The following CALN1 variants were observed in gnomAD, a reference collection of about 807,000 sequenced individuals.
CALN1 encodes calneuron 1.
In CALN1, 17 loss-of-function variants were observed where a neutral mutation model predicts 30.6. The observed-to-expected ratio is 0.56, with a 90% confidence interval of 0.38 to 0.83. CALN1 has a LOEUF of 0.83. Among genes scored for constraint, CALN1 ranks in the 40% least tolerant of loss-of-function variants. The pLI is 0.00. For synonymous variants in CALN1, 156 were observed against 131.4 expected (o/e 1.19, Z -1.28); for missense variants, 291 against 354.9 (o/e 0.82, Z 1.45).
At chr7:72,101,588 T>G (rs1453297507) in intron 4 of CALN1, among the ~76,000 whole-genome samples, 2 of 151,970 alleles carry the variant, frequency 1.3e-5, no homozygotes, top group Non-Finnish European at 2.9e-5. Flanking sequence ...AACCAGAAAA[T>G]AAATGTCTAC....
At chr7:72,378,742 A>T (rs1211439181) in intron 2 of CALN1, among the ~76,000 whole-genome samples, 3 of 148,292 alleles carry the variant, frequency 2.0e-5, no homozygotes, top group Non-Finnish European at 4.5e-5. Context: ...CTTTTTCTGT[A>T]TTTTTAGTAG....
At chr7:71,902,116 G>T (rs1262334991) in intron 5 of CALN1, among the ~76,000 whole-genome samples, 1 of 152,018 alleles carries the variant, frequency 6.6e-6, no homozygotes, top group Non-Finnish European at 1.5e-5. Context: ...CAAAGGACAT[G>T]AACAGGCTGA....
chr7:72,198,853 C>T (rs529446647), intron 3 of CALN1, among the ~76,000 whole-genome samples: 38 of 152,300 alleles, frequency 2.5e-4, no homozygotes, highest in African/African-American at 7.7e-4. Flanking sequence ...GAAAGGGCTA[C>T]AGCCAGAGAA....
At chr7:72,179,745 T>C (rs1789622845) in intron 3 of CALN1, among the ~76,000 whole-genome samples, 1 of 152,166 alleles carries the variant, frequency 6.6e-6, no homozygotes. Context: ...TCCCCCTTTC[T>C]TGCTAAAATA....
chr7:72,479,781 C>T, the CALN1 span, among the ~76,000 whole-genome samples: 4 of 152,074 alleles, frequency 2.6e-5, no homozygotes, highest in Non-Finnish European at 5.9e-5. Flanking sequence ...GAACTCCTGA[C>T]CTCGGAAGAT....
rs184730186 is a variant in CALN1, at chr7:71,817,076, A to G, written c.502-6584T>C. 3.9e-3 allele frequency among the ~76,000 whole-genome samples: 598 copies of G among 152,312 alleles called. 4 individuals are homozygous for G. The highest frequency in any genetic ancestry group is 6.2e-3 in the Non-Finnish European group (424 of 68,028). On this transcript the variant is annotated intron_variant, in intron 5 of 6. Transcript: ENST00000395275. ...AAATAAGTTGCGTAGCATTCCATATATCACCTATATTGTCAATATCTGTCT... is the reference window on the plus strand; with the variant it reads ...AAATAAGTTGCGTAGCATTCCATATGTCACCTATATTGTCAATATCTGTCT...
At chr7:71,864,057 T>G (rs1223560680) in intron 5 of CALN1, among the ~76,000 whole-genome samples, 2 of 152,062 alleles carry the variant, frequency 1.3e-5, no homozygotes, top group Non-Finnish European at 2.9e-5. Flanking sequence ...GATTCTCTAT[T>G]GAGGTTAGTG....
intron 5 of CALN1, among the ~76,000 whole-genome samples, chr7:71,950,406 G>T (rs1489634094): frequency 2.0e-5 from 3 of 152,098 alleles, no homozygotes; most frequent in Non-Finnish European, 2.9e-5. Flanking sequence ...CGCATTTTTG[G>T]ATATTGCAGA....
At chr7:72,205,567 T>TACACAC (rs1562733737) in intron 3 of CALN1, among the ~76,000 whole-genome samples, 1 of 118,178 alleles carries the variant, frequency 8.5e-6, no homozygotes, top group African/African-American at 3.6e-5. Flanking sequence ...TATATATATA[T>TACACAC]GTATATATAT....
At position 72,207,749 on chromosome 7, in the gene CALN1, T is replaced by C. The variant is rs758141777; in HGVS notation, c.244+70937A>G. On this transcript the variant is annotated intron_variant, in intron 3 of 6. Coordinates refer to ENST00000395275, the MANE Select transcript of CALN1 (RefSeq NM_031468.4). ...TTAACAGACACACAATGCATGTTTG[T>C]TAAGTGGATAATGGTTATATATGAC... 1.4e-3 allele frequency among the ~76,000 whole-genome samples: 207 copies of C among 152,310 alleles called. 1 individual carries two copies. The highest frequency in any genetic ancestry group is 2.4e-3 in the Admixed American group (37 of 15,292).
intron 5 of CALN1, among the ~76,000 whole-genome samples, chr7:71,885,752 C>A (rs945599624): frequency 6.6e-6 from 1 of 152,192 alleles, no homozygotes; most frequent in African/African-American, 2.4e-5. Context: ...GACGCGCTGA[C>A]CACGAGCAGA....
rs548523992 is a variant in CALN1 at position 71,779,795 on chromosome 7, T to A, written c.*7980A>T. On this transcript the variant is annotated 3_prime_UTR_variant, in exon 7 of 7. Coordinates refer to ENST00000395275, the MANE Select transcript of CALN1 (RefSeq NM_031468.4). ...TCAACTAATACTGAATGAGAGAAAA[T>A]GGGATGCTAATGAGGTAAATGGGAA... The A allele has an allele frequency of 6.6e-6, 1 of 152,260 alleles. No individual in the cohort carries two copies. The highest frequency in any genetic ancestry group is 1.9e-4 in the East Asian group (1 of 5,184). 9.4% of individuals were successfully genotyped at this position (152,260 alleles called of 1,614,324 possible).
chr7:72,350,334 T>G (rs1802857283), intron 2 of CALN1, among the ~76,000 whole-genome samples: 1 of 152,186 alleles, frequency 6.6e-6, no homozygotes, highest in Non-Finnish European at 1.5e-5. Flanking sequence ...TGCATACATG[T>G]GTTCATCACA....
chr7:72,240,942 T>G (rs1794787946), intron 3 of CALN1, among the ~76,000 whole-genome samples: 1 of 152,216 alleles, frequency 6.6e-6, no homozygotes, highest in Admixed American at 6.5e-5. Flanking sequence ...TATTTGGCCT[T>G]CTGGAACCTT....
chr7:72,023,793 G>A, intron 4 of CALN1, 24 bp from the exon 5 acceptor site: 1 of 1,588,782 alleles, frequency 6.3e-7, no homozygotes, highest in Non-Finnish European at 8.6e-7. Flanking sequence ...ATGTAAATAT[G>A]AGTTGCAAAC....
chr7:71,918,201 C>T (rs1326155792), intron 5 of CALN1, among the ~76,000 whole-genome samples: 2 of 152,200 alleles, frequency 1.3e-5, no homozygotes, highest in Non-Finnish European at 2.9e-5. Flanking sequence ...ACTGTACACA[C>T]ACATGTGTGC....
At chr7:71,879,002 G>C (rs556953679) in intron 5 of CALN1, among the ~76,000 whole-genome samples, 5 of 152,294 alleles carry the variant, frequency 3.3e-5, no homozygotes, top group Non-Finnish European at 7.3e-5. Flanking sequence ...CGATGGCAGT[G>C]AACTGAGGAC....
At chr7:72,374,547 A>G (rs1235789104) in intron 2 of CALN1, among the ~76,000 whole-genome samples, 1 of 130,982 alleles carries the variant, frequency 7.6e-6, no homozygotes, top group African/African-American at 2.5e-5. Context: ...AAAAAAAAAA[A>G]GGAAAAAAAA....
chr7:71,873,001 A>ATTTTT (rs371153112), intron 5 of CALN1, among the ~76,000 whole-genome samples: 17,569 of 114,962 alleles, frequency 0.15, 1,538 homozygotes, highest in Non-Finnish European at 0.2. Context: ...GTTTGTGACA[A>ATTTTT]TTTTTTTTTT....
Sources: allele counts gnomAD v4.1 joint callset (sites outside exome capture counted in the v4.1 genomes callset), GRCh38; gene constraint gnomAD v4.1.1; transcripts MANE v1.5; gene names NCBI Gene and HGNC (gene_info 2026-07-23, HGNC 2026-07-21).